RABGEF1: variants seen among roughly 807,000 people sequenced by gnomAD.
The protein encoded by RABGEF1 is RAB guanine nucleotide exchange factor 1.
A neutral mutation model predicts 57.3 loss-of-function variants in RABGEF1; 26 were observed. The observed-to-expected ratio is 0.45, with a 90% confidence interval of 0.33 to 0.63. The LOEUF (loss-of-function observed/expected upper bound fraction) is 0.63. RABGEF1 is among the 20% of genes least tolerant of loss of function. The pLI, the probability that RABGEF1 is intolerant of heterozygous loss-of-function variation, is 0.02. For synonymous variants in RABGEF1, 185 were observed against 210.7 expected, an observed-to-expected ratio of 0.88 and a Z score of 1.06; for missense variants, 464 against 607.6, an observed-to-expected ratio of 0.76 and a Z score of 2.48.
rs1286322295 is a variant in RABGEF1, at chr7:66,809,181, T to A, written c.1373T>A (p.Leu458Gln). 6 of 1,614,200 alleles carry A rather than the reference T, an allele frequency of 3.7e-6. No individual in the cohort carries two copies. The highest frequency in any genetic ancestry group is 5.1e-6 in the Non-Finnish European group (6 of 1,180,036). ...CAAGACATCGTTGAGAAATACCCAC[T>A]GGAAATTAAGCCTCCGAATCAACCG... ...EVQDIVEKYP[L>Q]EIKPPNQPLA... The change falls in exon 9 of 9, where the codon CTG becomes CAG. Residue 458 changes from leucine to glutamine, a missense_variant. Around this residue, in one of 4 missense-constraint regions of RABGEF1, gnomAD observed 151 missense variants for 152.2 expected, o/e 0.99. Transcript: ENST00000284957.
At chr7:66,783,559 T>C (rs1285995010) in intron 3 of RABGEF1, 116 bp from the exon 4 acceptor site, 31 of 973,976 alleles carry the variant, frequency 3.2e-5, no homozygotes, top group Non-Finnish European at 4.2e-5. Context: ...ATTATTTAAA[T>C]TCAAGTTTAA....
intron 2 of RABGEF1, among the ~76,000 whole-genome samples, chr7:66,723,359 G>A (rs1353701642): frequency 1.3e-5 from 2 of 152,204 alleles, no homozygotes; most frequent in African/African-American, 2.4e-5. Flanking sequence ...TTGTGTGTGC[G>A]ATTATCCTGG....
At chr7:66,682,785 A>G (rs1169817815) in intron 1 of RABGEF1, among the ~76,000 whole-genome samples, 3 of 152,124 alleles carry the variant, frequency 2.0e-5, no homozygotes, top group Admixed American at 6.6e-5. Flanking sequence ...TTTGAAGCCT[A>G]TGGTCCTGAC....
At chr7:66,774,454 TA>T (rs1808013810) in intron 2 of RABGEF1, among the ~76,000 whole-genome samples, 1 of 152,230 alleles carries the variant, frequency 6.6e-6, no homozygotes, top group Non-Finnish European at 1.5e-5. Flanking sequence ...CAAGATTCCC[TA>T]CCCTCTGGAG....
At chr7:66,692,512 AG>A (rs754955685) in intron 1 of RABGEF1, among the ~76,000 whole-genome samples, 11 of 152,172 alleles carry the variant, frequency 7.2e-5, no homozygotes, top group Non-Finnish European at 1.5e-4. Flanking sequence ...ACCATGAAGG[AG>A]CTGAGGGACT....
chr7:66,723,110 A>C (rs1796225886), intron 2 of RABGEF1, among the ~76,000 whole-genome samples: 1 of 152,072 alleles, frequency 6.6e-6, no homozygotes, highest in Non-Finnish European at 1.5e-5. Flanking sequence ...CTGGGATTAG[A>C]GGCAAGCGCT....
At chr7:66,762,161 C>T (rs1804572181) in intron 1 of RABGEF1, among the ~76,000 whole-genome samples, 1 of 152,172 alleles carries the variant, frequency 6.6e-6, no homozygotes, top group Non-Finnish European at 1.5e-5. Flanking sequence ...TATAACACCA[C>T]ACTGGTACTA....
chr7:66,808,919 G>T lies in RABGEF1; in HGVS notation c.1111G>T (p.Ala371Ser). Residue 371 changes from alanine (A) to serine (S), a missense_variant, in exon 9 of 9, where the codon GCC becomes TCC. Ala to Ser is a moderately conservative substitution (Grantham distance 99). Coordinates refer to ENST00000284957, the MANE Select transcript of RABGEF1 (RefSeq NM_014504.3). ...TGTGGCTTTCATTGAGAAGCTAGAC[G>T]CCCAGTCTTTGAATCTAAGTCAGGA... ...CAVAFIEKLDAQSLNLSQEDF... is the reference protein window; with the variant it reads ...CAVAFIEKLDSQSLNLSQEDF... 1.2e-6 allele frequency: 2 copies of T among 1,608,652 alleles called. No individual in the cohort carries two copies. The highest frequency in any genetic ancestry group is 1.7e-6 in the Non-Finnish European group (2 of 1,175,384).
chr7:66,678,564 C>CAAAAAAAA (rs58309880), upstream of RABGEF1, among the ~76,000 whole-genome samples: 2 of 86,180 alleles, frequency 2.3e-5, no homozygotes, highest in African/African-American at 4.7e-5. Flanking sequence ...GAGTCCGTCT[C>CAAAAAAAA]AAAAAAAAAA....
intron 1 of RABGEF1, among the ~76,000 whole-genome samples, chr7:66,750,394 C>A (rs1207598053): frequency 6.6e-6 from 1 of 152,112 alleles, no homozygotes; most frequent in Admixed American, 6.5e-5. Flanking sequence ...TATTTAAGTT[C>A]TTTAAATACC....
intron 7 of RABGEF1, among the ~76,000 whole-genome samples, chr7:66,801,190 G>A (rs1787213798): frequency 6.6e-6 from 1 of 152,238 alleles, no homozygotes; most frequent in African/African-American, 2.4e-5. Flanking sequence ...AGGACAAGGA[G>A]AGTGTCAGGG....
intron 2 of RABGEF1, among the ~76,000 whole-genome samples, chr7:66,721,333 T>G (rs570166023): frequency 6.6e-6 from 1 of 152,352 alleles, no homozygotes; most frequent in Non-Finnish European, 1.5e-5. Context: ...TATAGTGACT[T>G]AATACAAATT....
At chr7:66,758,794 G>C (rs958498089) in intron 1 of RABGEF1, among the ~76,000 whole-genome samples, 9 of 152,224 alleles carry the variant, frequency 5.9e-5, no homozygotes, top group Non-Finnish European at 1.0e-4. Flanking sequence ...CTTAGAAGCA[G>C]CAGAATGATC....
Position 66,714,265 on chromosome 7 carries a change from C to T in RABGEF1, c.-815+2041C>T, listed in dbSNP as rs1161322722. The stretch of plus-strand genomic sequence containing the variant: ...TTAATAGTATGGGACTATTCCCATT[C>T]TCTGTTTTACCTTGTGTGAGTTTTG... On this transcript the variant is annotated intron_variant and NMD_transcript_variant, in intron 2 of 9. Transcript: ENST00000607882. Among the ~76,000 whole-genome samples the T allele has an allele frequency of 2.6e-5, 4 of 152,124 alleles. No homozygotes were observed. In the East Asian group the frequency reaches 7.7e-4, roughly 29 times the overall value.
intron 2 of RABGEF1, among the ~76,000 whole-genome samples, chr7:66,774,775 A>G (rs1405971140): frequency 6.6e-6 from 1 of 152,108 alleles, no homozygotes; most frequent in Non-Finnish European, 1.5e-5. Flanking sequence ...CAACCAAAAA[A>G]AGGATCCTAT....
At chr7:66,799,037 G>T (rs898416190) in intron 6 of RABGEF1, among the ~76,000 whole-genome samples, 1 of 152,192 alleles carries the variant, frequency 6.6e-6, no homozygotes, top group African/African-American at 2.4e-5. Context: ...TTCTCAAATG[G>T]TCACTTTCAG....
chr7:66,742,923 A>G (rs1799335230), intron 1 of RABGEF1, among the ~76,000 whole-genome samples: 1 of 152,166 alleles, frequency 6.6e-6, no homozygotes, highest in Non-Finnish European at 1.5e-5. Flanking sequence ...TACTAAAGTG[A>G]AAAAGTGCAG....
chr7:66,690,395 G>A (rs1450484666), intron 1 of RABGEF1, among the ~76,000 whole-genome samples: 2 of 148,952 alleles, frequency 1.3e-5, no homozygotes, highest in Admixed American at 6.7e-5. Flanking sequence ...CATCGCGCCC[G>A]GCCTGATAAA....
intron 1 of RABGEF1, among the ~76,000 whole-genome samples, chr7:66,687,354 G>C (rs2117079454): frequency 6.6e-6 from 1 of 151,624 alleles, no homozygotes; most frequent in East Asian, 1.9e-4. Context: ...TCAAACTCCT[G>C]AACTGAGGTG....
Sources: allele counts gnomAD v4.1 joint callset (sites outside exome capture counted in the v4.1 genomes callset), GRCh38; gene constraint gnomAD v4.1.1; regional missense constraint gnomAD v4.1.1; transcripts MANE v1.5; gene names NCBI Gene and HGNC (gene_info 2026-07-23, HGNC 2026-07-21).